DSCAML1: variants seen among roughly 807,000 people sequenced by gnomAD.
The protein encoded by DSCAML1 is DS cell adhesion molecule like 1.
A neutral mutation model predicts 200.5 loss-of-function variants in DSCAML1; 38 were observed. The observed-to-expected ratio is 0.19, with a 90% confidence interval of 0.15 to 0.25. The LOEUF (loss-of-function observed/expected upper bound fraction) is 0.25, where lower values mean the gene tolerates loss of function less well. DSCAML1 is among the 10% of genes least tolerant of loss of function. The pLI is 1.00. For synonymous variants in DSCAML1, 1,215 were observed against 1,165.0 expected (o/e 1.04, Z -0.87); for missense variants, 2,223 against 2,858.8 (o/e 0.78, Z 5.07).
rs71037492 is a variant in DSCAML1 at position 117,687,426 on chromosome 11, A to ATTTT, written c.511+89361_511+89364dup. ...CAGGTGTGCTCCACCATGCCTGGCT[A>ATTTT]TTTTTTTTTTTTTTTTTTTTTTAGA... On this transcript the variant is annotated intron_variant, in intron 3 of 32. Transcript: ENST00000651296. 5.4e-4 allele frequency among the ~76,000 whole-genome samples: 53 copies of ATTTT among 97,642 alleles called. 1 individual carries two copies. Among genetic ancestry groups the ATTTT allele is most frequent in the Non-Finnish European group, 7.2e-4 (37 of 51,488 alleles). The allele number at this position is 97,642 out of a possible 152,430, so 64.1% of individuals were successfully genotyped here.
intron 3 of DSCAML1, among the ~76,000 whole-genome samples, chr11:117,653,093 A>C (rs978408467): frequency 6.6e-6 from 1 of 152,200 alleles, no homozygotes; most frequent in Non-Finnish European, 1.5e-5. Context: ...CCCCTCCCCA[A>C]CTTAGGACAA....
intron 3 of DSCAML1, among the ~76,000 whole-genome samples, chr11:117,544,004 G>A (rs543903452): frequency 3.3e-5 from 5 of 152,248 alleles, no homozygotes; most frequent in African/African-American, 9.6e-5. Flanking sequence ...CCTCTGCAAG[G>A]AAGGTCCCAG....
chr11:117,505,219 G>A lies in DSCAML1; in HGVS notation c.2063-176C>T, dbSNP rs1248114385. 1.3e-5 allele frequency among the ~76,000 whole-genome samples: 2 copies of A among 152,158 alleles called. No individual in the cohort carries two copies. The highest frequency in any genetic ancestry group is 2.1e-4 in the South Asian group (1 of 4,824). ...TTTGTTGAGTACTGGGTAGGGACTT[G>A]GGAGCTCTGAGTTCCAGTCCTGCCT... On this transcript the variant is annotated intron_variant, in intron 9 of 32. Coordinates refer to ENST00000651296, the MANE Select transcript of DSCAML1 (RefSeq NM_020693.4). The surrounding 1 kb of genome is among the most constrained non-coding windows in gnomAD (Gnocchi z 6.7).
intron 4 of DSCAML1, among the ~76,000 whole-genome samples, chr11:117,527,751 G>A (rs559826089): frequency 6.6e-6 from 1 of 152,314 alleles, no homozygotes; most frequent in East Asian, 1.9e-4. Flanking sequence ...CTTCACTAAT[G>A]GAAGCTTTCC....
chr11:117,790,003 A>C (rs114380001), intron 1 of DSCAML1, among the ~76,000 whole-genome samples: 3,564 of 152,232 alleles, frequency 0.023, 140 homozygotes, highest in African/African-American at 0.08. Context: ...CCAACCCTGC[A>C]AGACTTTTAC....
At chr11:117,586,242 T>A (rs1294435042) in intron 3 of DSCAML1, among the ~76,000 whole-genome samples, 1 of 143,478 alleles carries the variant, frequency 7.0e-6, no homozygotes, top group Non-Finnish European at 1.5e-5. Flanking sequence ...CTGCTTTCCA[T>A]CTTAACCCCC....
chr11:117,748,733 A>C (rs1292770994), intron 3 of DSCAML1, among the ~76,000 whole-genome samples: 1 of 152,220 alleles, frequency 6.6e-6, no homozygotes, highest in Non-Finnish European at 1.5e-5. Context: ...TGGGTACTGC[A>C]TGCCCTACTG....
chr11:117,496,280 T>C (rs2049287422), intron 11 of DSCAML1, among the ~76,000 whole-genome samples: 1 of 152,170 alleles, frequency 6.6e-6, no homozygotes, highest in Non-Finnish European at 1.5e-5. Flanking sequence ...TTCTCTCTGT[T>C]AGTCTTTGTC....
chr11:117,606,893 T>A, intron 3 of DSCAML1, among the ~76,000 whole-genome samples: 1 of 152,170 alleles, frequency 6.6e-6, no homozygotes, highest in East Asian at 1.9e-4. Flanking sequence ...GAGGGTGACA[T>A]TTGGATAGGA....
At chr11:117,514,740 G>A (rs1250340984) in intron 8 of DSCAML1, among the ~76,000 whole-genome samples, 2 of 151,956 alleles carry the variant, frequency 1.3e-5, no homozygotes, top group African/African-American at 4.8e-5. Flanking sequence ...GTGCCACCAC[G>A]CTCTGCTAAT....
chr11:117,804,070 G>T (rs1293675803), intron 1 of DSCAML1, among the ~76,000 whole-genome samples: 1 of 152,172 alleles, frequency 6.6e-6, no homozygotes, highest in African/African-American at 2.4e-5. Context: ...CAAAACACTA[G>T]CAAGTCCTCC....
At position 117,776,800 on chromosome 11, in the gene DSCAML1, T is replaced by C. The variant is rs2055136297; in HGVS notation, c.502A>G (p.Ile168Val). Residue 168 changes from isoleucine (I) to valine (V), a missense_variant, in exon 3 of 33, where the codon ATC (isoleucine) becomes GTC (valine). Transcript: ENST00000651296. ...CCGGGACGCTTCTTACCTGGGATGA[T>C]GGAGACTGTGTCTTTCTCCCAAGAT... ...VVSWEKDTVS[I>V]IPEHRFFITY... 1.2e-6 allele frequency: 2 copies of C among 1,614,162 alleles called. No homozygotes were observed. Among genetic ancestry groups the C allele is most frequent in the South Asian group, 1.1e-5 (1 of 91,076 alleles).
rs1295520475 is a variant in DSCAML1 at position 117,481,964 on chromosome 11, T to C, written c.2558A>G (p.Lys853Arg). ...DNGDEVVSTL[K>R]LKPADRGDSV... Reference sequence around the variant, plus strand: ...CAGCACTGAGGTGGGGGTGCTCACCTTCAGTGTGGAGACGACCTCGTCGCC... The same window carrying C: ...CAGCACTGAGGTGGGGGTGCTCACCCTCAGTGTGGAGACGACCTCGTCGCC... Residue 853 changes from lysine (K) to arginine (R), a missense_variant and splice_region_variant, in exon 12 of 33, where the codon AAG becomes AGG. Coordinates refer to ENST00000651296, the MANE Select transcript of DSCAML1 (RefSeq NM_020693.4). The C allele has an allele frequency of 3.1e-6, 5 of 1,614,000 alleles. No homozygotes were observed. In the South Asian group the frequency reaches 5.5e-5, roughly 18 times the overall value.
At chr11:117,470,110 G>A (rs2048655621) in intron 15 of DSCAML1, 130 bp from the exon 16 acceptor site, 1 of 733,252 alleles carries the variant, frequency 1.4e-6, no homozygotes. Context: ...GATGCAGATA[G>A]CAGAGAACTT....
chr11:117,644,018 GCTGGCAGGTCTCCTGC>G (rs2052469008), intron 3 of DSCAML1, among the ~76,000 whole-genome samples: 1 of 152,206 alleles, frequency 6.6e-6, no homozygotes, highest in Non-Finnish European at 1.5e-5. Context: ...CGGGGAAGAG[GCTGGCAGGTCTCCTGC>G]CTGCCTTCCC....
Position 117,649,039 on chromosome 11 carries a change from ATATGTGTGTGTG to A in DSCAML1, c.512-116529_512-116518del, listed in dbSNP as rs1213573759. Among the ~76,000 whole-genome samples the A allele has an allele frequency of 2.0e-3, 266 of 131,542 alleles. 2 individuals carry two copies. The highest frequency in any genetic ancestry group is 8.1e-3 in the African/African-American group (256 of 31,534). The allele number at this position is 131,542 out of a possible 152,430, so 86.3% of individuals were successfully genotyped here. A position where few individuals can be genotyped will look rare whatever the true frequency, so the allele number is the denominator to read the frequency against. ...CCTCTCGCTCTCTCTCTCTCCATAT[ATATGTGTGTGTG>A]TGTGTGTGTGTGTGTGTGTGTGTGT... is the stretch of plus-strand genomic sequence containing the variant. On this transcript the variant is annotated intron_variant, in intron 3 of 32. Transcript: ENST00000651296.
chr11:117,815,660 G>C (rs924658141), intron 1 of DSCAML1, among the ~76,000 whole-genome samples: 4 of 152,058 alleles, frequency 2.6e-5, no homozygotes, highest in African/African-American at 9.6e-5. Context: ...GAACTTCGGG[G>C]TGTCACTCAG....
chr11:117,428,731 C>T lies in DSCAML1; in HGVS notation c.5759G>A (p.Cys1920Tyr). 1.9e-6 allele frequency: 3 copies of T among 1,613,118 alleles called. No individual in the cohort carries two copies. Among genetic ancestry groups the T allele is most frequent in the Admixed American group, 3.3e-5 (2 of 59,926 alleles). ...GGCCTCACGGGGTGGGACCACGGGG[C>T]AGGGCTCACGTCCATCTGCCTTTCG... Reference protein sequence around the residue: ...FFRKADGREPCPVVPPREASI... With the variant: ...FFRKADGREPYPVVPPREASI... Residue 1920 changes from cysteine (C) to tyrosine (Y), a missense_variant, in exon 33 of 33, where the codon TGC (cysteine) becomes TAC (tyrosine). Around this residue, in one of 7 missense-constraint regions of DSCAML1, gnomAD observed 280 missense variants for 213.4 expected, o/e 1.31. Coordinates refer to ENST00000651296, the MANE Select transcript of DSCAML1 (RefSeq NM_020693.4).
At chr11:117,440,954 G>T (rs2048034173) in intron 21 of DSCAML1, among the ~76,000 whole-genome samples, 1 of 149,272 alleles carries the variant, frequency 6.7e-6, no homozygotes, top group Non-Finnish European at 1.5e-5. Flanking sequence ...AAAAGGAGTG[G>T]TGTCCTCAGC....
Sources: allele counts gnomAD v4.1 joint callset (sites outside exome capture counted in the v4.1 genomes callset), GRCh38; gene constraint gnomAD v4.1.1; regional missense constraint gnomAD v4.1.1; non-coding constraint Gnocchi (gnomAD v3.1); transcripts MANE v1.5; gene names NCBI Gene and HGNC (gene_info 2026-07-23, HGNC 2026-07-21).